The following FLII variants were observed in gnomAD, a reference collection of about 807,000 sequenced individuals.
The protein encoded by FLII is protein flightless-1 homolog.
In FLII, 101 loss-of-function variants were observed where a neutral mutation model predicts 156.2. The observed-to-expected ratio is 0.65, with a 90% CI of 0.55 to 0.76. FLII has a LOEUF of 0.76. FLII is among the 30% of genes least tolerant of loss of function. The probability of loss-of-function intolerance (pLI) is 0.00; values close to 1 mark genes in which losing one functional copy is unlikely to be tolerated. For synonymous variants in FLII, 767 were observed against 685.8 expected (o/e 1.12, Z -1.85); for missense variants, 1,675 against 1,682.8 (o/e 1.00, Z 0.08).
At position 18,258,438 on chromosome 17, in the gene FLII, T is replaced by C; in HGVS notation, c.63+190A>G. On this transcript the variant is annotated intron_variant, in intron 1 of 29. Coordinates refer to ENST00000327031, the MANE Select transcript of FLII (RefSeq NM_002018.4). The surrounding 1 kb of genome is among the most constrained non-coding windows in gnomAD (Gnocchi z 4.2). ...GTCCCCGGCCTGCCCAGCCTCGGTC[T>C]CCCCGTACAGGCACTGGGCGGAGGC... The C allele has an allele frequency of 6.7e-7, 1 of 1,486,372 alleles. No individual in the cohort carries two copies. Among genetic ancestry groups the C allele is most frequent in the South Asian group, 1.2e-5 (1 of 80,172 alleles). 92.1% of individuals were successfully genotyped at this position (1,486,372 alleles called of 1,614,324 possible). A position where few individuals can be genotyped will look rare whatever the true frequency, so the allele number is the denominator to read the frequency against.
chr17:18,251,706 C>A lies in FLII; in HGVS notation c.1357G>T (p.Ala453Ser). Residue 453 changes from alanine (A) to serine (S), a missense_variant, in exon 12 of 30, where the codon GCC (alanine) becomes TCC (serine). Around this residue, in one of 2 missense-constraint regions of FLII, gnomAD observed 1,332 missense variants for 1,269.3 expected, o/e 1.05. Transcript: ENST00000327031. Reference sequence around the variant, plus strand: ...TCCTGCTTTTTGTTCTTCTCCTGGGCAACATCTGACATGCCCTTCAGCACC... The same window carrying A: ...TCCTGCTTTTTGTTCTTCTCCTGGGAAACATCTGACATGCCCTTCAGCACC... ...KQVLKGMSDV[A>S]QEKNKKQEES... The A allele has an allele frequency of 6.2e-7, 1 of 1,614,090 alleles. No individual in the cohort carries two copies. Among genetic ancestry groups the A allele is most frequent in the Non-Finnish European group, 8.5e-7 (1 of 1,180,044 alleles).
At chr17:18,247,875 AG>A in intron 19 of FLII, 27 bp from the exon 20 acceptor site, 2 of 1,613,894 alleles carry the variant, frequency 1.2e-6, no homozygotes, top group Non-Finnish European at 1.7e-6. Flanking sequence ...TGGAGGTCAA[AG>A]CCCAGCCAAC....
Position 18,253,422 on chromosome 17 carries a change from A to G in FLII, c.892T>C (p.Tyr298His). ...AAGTCCAGCTTGTTGGAATTCAGGT[A>G]CAGCTTCTTCAGCTTGCTCAGCTTG... ...ICKLSKLKKL[Y>H]LNSNKLDFDG... The change falls in exon 9 of 30, where the codon TAC becomes CAC. Residue 298 changes from tyrosine to histidine, a missense_variant. Tyr to His is a moderately conservative substitution (Grantham distance 83, BLOSUM62 2). Around this residue, in one of 2 missense-constraint regions of FLII, gnomAD observed 343 missense variants for 413.5 expected, o/e 0.83. Coordinates refer to ENST00000327031, the MANE Select transcript of FLII (RefSeq NM_002018.4). 4 of 1,613,944 alleles carry G rather than the reference A, an allele frequency of 2.5e-6. No homozygotes were observed. Among genetic ancestry groups the G allele is most frequent in the Non-Finnish European group, 3.4e-6 (4 of 1,180,030 alleles).
At position 18,251,444 on chromosome 17, in the gene FLII, C is replaced by T. The variant is rs769860653; in HGVS notation, c.1417G>A (p.Val473Met). The change falls in exon 13 of 30, where the codon GTG becomes ATG. Residue 473 changes from valine (V) to methionine (M), a missense_variant. Coordinates refer to ENST00000327031, the MANE Select transcript of FLII (RefSeq NM_002018.4). Reference sequence around the variant, plus strand: ...TCCAGGCCCTGGTCCCAACGCCGCACCTTCCCGCTGGGGGCCCGGGCATCT... The same window carrying T: ...TCCAGGCCCTGGTCCCAACGCCGCATCTTCCCGCTGGGGGCCCGGGCATCT... ...SADARAPSGK[V>M]RRWDQGLEKP... 3.1e-6 allele frequency: 5 copies of T among 1,610,214 alleles called. No individual in the cohort carries two copies. The highest frequency in any genetic ancestry group is 1.1e-5 in the South Asian group (1 of 91,008).
rs769224827 is a variant in FLII at position 18,254,129 on chromosome 17, C to A, written c.629G>T (p.Arg210Leu). The change falls in exon 7 of 30, where the codon CGC (arginine) becomes CTC (leucine). Residue 210 changes from arginine (R) to leucine (L), a missense_variant. Physicochemically the swap from Arg to Leu is moderately radical, Grantham distance 102. This residue lies in a region of FLII where 343 missense variants were observed against 413.5 expected (regional missense o/e 0.83). Transcript: ENST00000327031. ...LQTLHLRSTQRTQSNLPTSLE... is the reference protein window; with the variant it reads ...LQTLHLRSTQLTQSNLPTSLE... ...GCTGGTGGGCAGGTTGCTCTGGGTG[C>A]GCTGGGTGCTCCGCAGGTGCAGGGT... The A allele has an allele frequency of 1.9e-5, 31 of 1,611,644 alleles. No individual in the cohort carries two copies. The highest frequency in any genetic ancestry group is 2.3e-5 in the Non-Finnish European group (27 of 1,178,924).
chr17:18,245,695 A>G (rs757586858), intron 27 of FLII, 35 bp from the exon 28 acceptor site: 1 of 1,612,348 alleles, frequency 6.2e-7, no homozygotes, highest in South Asian at 1.1e-5. Context: ...GCCAGAGGTC[A>G]TAAGCAGCAG....
Position 18,245,670 on chromosome 17 carries a change from A to G in FLII, c.3504-10T>C. 6.2e-7 allele frequency: 1 copy of G among 1,613,396 alleles called. No homozygotes were observed. Among genetic ancestry groups the G allele is most frequent in the Non-Finnish European group, 8.5e-7 (1 of 1,179,624 alleles). ...CTTCTCGTTGGAGCACCTGGGAATC[A>G]AGGGTCAAGGTGAGGCCAGAGGTCA... is the stretch of plus-strand genomic sequence containing the variant. On this transcript the variant is annotated splice_polypyrimidine_tract_variant and intron_variant, in intron 27 of 29. Transcript: ENST00000327031.
rs2047999380 is a variant in FLII, at chr17:18,245,385, A to G, written c.3644T>C (p.Val1215Ala). ...YMWVGTQTSQVEIKLSLKACQ... is the reference protein window; with the variant it reads ...YMWVGTQTSQAEIKLSLKACQ... The stretch of plus-strand genomic sequence containing the variant: ...GGCCTTCAGGCTCAGCTTGATCTCC[A>G]CCTGGCTAGTCTGGGTCCCCACCCA... Residue 1215 changes from valine to alanine, a missense_variant, in exon 29 of 30, where the codon GTG (valine) becomes GCG (alanine). Val to Ala is a moderately conservative substitution (Grantham distance 64). Coordinates refer to ENST00000327031, the MANE Select transcript of FLII (RefSeq NM_002018.4). 1 of 1,613,884 alleles carries G rather than the reference A, an allele frequency of 6.2e-7. No homozygotes were observed. Among genetic ancestry groups the G allele is most frequent in the South Asian group, 1.1e-5 (1 of 91,080 alleles).
intron 14 of FLII, among the ~76,000 whole-genome samples, 183 bp from the exon 15 acceptor site, chr17:18,249,591 A>C (rs1737196844): frequency 6.6e-6 from 1 of 152,256 alleles, no homozygotes; most frequent in African/African-American, 2.4e-5. Context: ...GGAGTTGGAG[A>C]CCAGCCTGAC....
chr17:18,252,427 CCTTG>C (rs2048299181), intron 10 of FLII, 41 bp downstream of exon 10: 1 of 1,571,702 alleles, frequency 6.4e-7, no homozygotes, highest in Non-Finnish European at 8.8e-7. Context: ...AGGGCACACC[CCTTG>C]CTTGTCTCTC....
Position 18,251,743 on chromosome 17 carries a change from G to A in FLII, c.1320C>T (p.Asp440=), listed in dbSNP as rs1377742633. 6.2e-7 allele frequency: 1 copy of A among 1,614,014 alleles called. No homozygotes were observed. ...LRRRKDSAQD[D]QAKQVLKGMS... is the part of the protein sequence containing the mutation. ...TGCCCTTCAGCACCTGCTTGGCCTG[G>A]TCATCCTGGGCTGAATCCTTGCGCC... The change falls in exon 12 of 30, where the codon GAC becomes GAT. Residue 440 remains aspartate, a synonymous_variant. Coordinates refer to ENST00000327031, the MANE Select transcript of FLII (RefSeq NM_002018.4).
In FLII at chr17:18,247,134, C is replaced by A. The variant is rs766660900; in HGVS notation, c.2676+35G>T. ...CCCGCCCTCGGCCTGCCCCCCACCCCCCCCCCCGCGCCCCGGTCCCGGCCC... is the reference window on the plus strand; with the variant it reads ...CCCGCCCTCGGCCTGCCCCCCACCCACCCCCCCGCGCCCCGGTCCCGGCCC... On this transcript the variant is annotated intron_variant, in intron 21 of 29. Coordinates refer to ENST00000327031, the MANE Select transcript of FLII (RefSeq NM_002018.4). 175 of 819,426 alleles carry A rather than the reference C, an allele frequency of 2.1e-4. 2 individuals carry two copies. Among genetic ancestry groups the A allele is most frequent in the African/African-American group, 4.9e-4 (27 of 54,842 alleles). 50.8% of individuals were successfully genotyped at this position (819,426 alleles called of 1,614,324 possible).
intron 1 of FLII, chr17:18,257,308 C>T (rs1040758539): frequency 1.2e-5 from 5 of 414,266 alleles, no homozygotes; most frequent in African/African-American, 8.3e-5. Flanking sequence ...CAGCATCCGG[C>T]TCTGTGGTTA....
At position 18,246,795 on chromosome 17, in the gene FLII, TTCC is replaced by T. The variant is rs777753109; in HGVS notation, c.2847_2849del (p.Glu950del). 108 of 1,614,030 alleles carry T rather than the reference TTCC, an allele frequency of 6.7e-5. No homozygotes were observed. In the East Asian group the frequency reaches 9.1e-4, roughly 14 times the overall value. On this transcript the variant is annotated inframe_deletion, in exon 23 of 30. Coordinates refer to ENST00000327031, the MANE Select transcript of FLII (RefSeq NM_002018.4). ...CCTTCTCCTCCTTGTCTTCCTTCTT[TTCC>T]TCCTCCTCGTACTCCACAGGCACCC...
chr17:18,245,587 C>T lies in FLII; in HGVS notation c.3577G>A (p.Asp1193Asn), dbSNP rs767962854. 40 of 1,613,902 alleles carry T rather than the reference C, an allele frequency of 2.5e-5. No homozygotes were observed. The highest frequency in any genetic ancestry group is 8.8e-5 in the South Asian group (8 of 91,084). ...SDFCQDDLADDDIMLLDNGQE... is the reference protein window; with the variant it reads ...SDFCQDDLADNDIMLLDNGQE... ...CCATTGTCTAGCAACATGATGTCAT[C>T]ATCTGCCAGGTCATCTTGGCAAAAG... Residue 1193 changes from aspartate to asparagine, a missense_variant, in exon 28 of 30, where the codon GAT becomes AAT. Asp to Asn is a conservative substitution (Grantham distance 23). Around this residue, in one of 2 missense-constraint regions of FLII, gnomAD observed 1,332 missense variants for 1,269.3 expected, o/e 1.05. Transcript: ENST00000327031.
rs902750627 is a variant in FLII at position 18,254,749 on chromosome 17, G to A, written c.413+20C>T. 6.2e-7 allele frequency: 1 copy of A among 1,613,920 alleles called. No individual in the cohort carries two copies. The highest frequency in any genetic ancestry group is 8.5e-7 in the Non-Finnish European group (1 of 1,179,902). On this transcript the variant is annotated intron_variant, in intron 5 of 29. Coordinates refer to ENST00000327031, the MANE Select transcript of FLII (RefSeq NM_002018.4). ...ACCCCACAGGGCCCACCTGCCCCCT[G>A]CCCCCCACTGGCCTGGCACCTGTTG...
chr17:18,256,539 A>T lies in FLII; in HGVS notation c.233T>A (p.Leu78Gln), dbSNP rs1430988781. ...GCCAGCACTCACGCGCAGCGATGGCAGGCTGGACAGCTCCCCATGAAGCGT... is the reference window on the plus strand; with the variant it reads ...GCCAGCACTCACGCGCAGCGATGGCTGGCTGGACAGCTCCCCATGAAGCGT... The part of the protein sequence containing the change: ...LTTLHGELSS[L>Q]PSLRAIVARA... Residue 78 changes from leucine (L) to glutamine (Q), a missense_variant, in exon 3 of 30, where the codon CTG becomes CAG. Around this residue, in one of 2 missense-constraint regions of FLII, gnomAD observed 343 missense variants for 413.5 expected, o/e 0.83. Coordinates refer to ENST00000327031, the MANE Select transcript of FLII (RefSeq NM_002018.4). 1 of 1,551,644 alleles carries T rather than the reference A, an allele frequency of 6.4e-7. No individual in the cohort carries two copies. Among genetic ancestry groups the T allele is most frequent in the Non-Finnish European group, 8.7e-7 (1 of 1,146,980 alleles).
rs2048089667 is a variant in FLII, at chr17:18,247,066, G to C, written c.2677-14C>G. 9 of 1,611,366 alleles carry C rather than the reference G, an allele frequency of 5.6e-6. No individual in the cohort carries two copies. The highest frequency in any genetic ancestry group is 7.6e-6 in the Non-Finnish European group (9 of 1,179,926). ...CAGCTGCTCCGCCTGCAGGTGAGAG[G>C]GACCCGCCCCGCGGCAGGTCTGAGC... On this transcript the variant is annotated splice_polypyrimidine_tract_variant and intron_variant, in intron 21 of 29. Transcript: ENST00000327031.
At position 18,246,558 on chromosome 17, in the gene FLII, C is replaced by T. The variant is rs2048063152; in HGVS notation, c.3051+36G>A. 6.2e-6 allele frequency: 10 copies of T among 1,612,278 alleles called. No homozygotes were observed. In the East Asian group the frequency reaches 1.8e-4, roughly 29 times the overall value. On this transcript the variant is annotated intron_variant, in intron 23 of 29. Transcript: ENST00000327031. ...GGGTCTGAGCCCCACCACACCCCTC[C>T]GCCTGGCCTCGGGCTCGCGGGGCTG...
Sources: allele counts gnomAD v4.1 joint callset (sites outside exome capture counted in the v4.1 genomes callset), GRCh38; gene constraint gnomAD v4.1.1; regional missense constraint gnomAD v4.1.1; non-coding constraint Gnocchi (gnomAD v3.1); transcripts MANE v1.5; gene names NCBI Gene and HGNC (gene_info 2026-07-23, HGNC 2026-07-21).